SLC36A3: variants seen among roughly 807,000 people sequenced by gnomAD.
SLC36A3 encodes the protein proton-coupled amino acid transporter 3.
A neutral mutation model predicts 44.3 loss-of-function variants in SLC36A3; 35 were observed. The ratio of observed to expected loss-of-function variants is 0.79; its 90% CI spans 0.60 to 1.05. The LOEUF is 1.05. Ranked by LOEUF, SLC36A3 falls within the 50% of genes least tolerant of loss-of-function variation. The probability of loss-of-function intolerance (pLI) is 0.00; values close to 1 mark genes in which losing one functional copy is unlikely to be tolerated. For missense variants in SLC36A3, 540 were observed against 578.7 expected, an observed-to-expected ratio of 0.93 and a Z score of 0.69; for synonymous variants, 211 against 227.6, an observed-to-expected ratio of 0.93 and a Z score of 0.66.
At position 151,284,627 on chromosome 5, in the gene SLC36A3, C is replaced by G. The variant is rs1754463447; in HGVS notation, c.793G>C (p.Glu265Gln). The G allele has an allele frequency of 1.9e-6, 3 of 1,611,396 alleles. No individual in the cohort carries two copies. Among genetic ancestry groups the G allele is most frequent in the Non-Finnish European group, 2.5e-6 (3 of 1,178,226 alleles). Reference protein sequence around the residue: ...LFFGTAIFTFEGVGMVLPLKN... With the variant: ...LFFGTAIFTFQGVGMVLPLKN... ...ATCAATCTTACCATACCGACGCCTTCAAATGTGAAGATGGCTGTACCAAAG... is the reference window on the plus strand; with the variant it reads ...ATCAATCTTACCATACCGACGCCTTGAAATGTGAAGATGGCTGTACCAAAG... The change falls in exon 7 of 10, where the codon GAA (glutamate) becomes CAA (glutamine). Residue 265 changes from glutamate to glutamine, a missense_variant. Physicochemically the swap from Glu to Gln is conservative, Grantham distance 29. Coordinates refer to ENST00000335230, the MANE Select transcript of SLC36A3 (RefSeq NM_181774.4).
At chr5:151,291,551 A>G (rs1421581850) in intron 4 of SLC36A3, among the ~76,000 whole-genome samples, 2 of 151,918 alleles carry the variant, frequency 1.3e-5, no homozygotes, top group Non-Finnish European at 2.9e-5. Flanking sequence ...TCATGATGCT[A>G]TTTATCTTGT....
chr5:151,281,211 G>A lies in SLC36A3; in HGVS notation c.975-28C>T, dbSNP rs374276171. 9.8e-4 allele frequency: 1,540 copies of A among 1,579,092 alleles called. 15 individuals carry two copies. The African/African-American group carries it at 0.018, about 19-fold the overall frequency. ...GCAGACACATGAATTGGATGTGAAA[G>A]GTGATGTGGCTCCCCGGAAGGGCCA... is the stretch of plus-strand genomic sequence containing the variant. On this transcript the variant is annotated intron_variant, in intron 8 of 9. Coordinates refer to ENST00000335230, the MANE Select transcript of SLC36A3 (RefSeq NM_181774.4).
rs892303882 is a variant in SLC36A3 at position 151,303,478 on chromosome 5, C to T, written c.-124G>A. ...ATGCTGGCTCCTAACCCCAAGGATG[C>T]GTGCTGCTGGCTGAAGCCTGAAGTG... On this transcript the variant is annotated 5_prime_UTR_variant, in exon 1 of 10. Transcript: ENST00000335230. 1.0e-5 allele frequency: 11 copies of T among 1,087,670 alleles called. No individual in the cohort carries two copies. Among genetic ancestry groups the T allele is most frequent in the African/African-American group, 3.2e-5 (2 of 63,256 alleles). 67.4% of individuals were successfully genotyped at this position (1,087,670 alleles called of 1,614,324 possible). A position where few individuals can be genotyped will look rare whatever the true frequency, so the allele number is the denominator to read the frequency against.
intron 4 of SLC36A3, among the ~76,000 whole-genome samples, chr5:151,291,995 G>A (rs186413145): frequency 4.5e-4 from 68 of 152,200 alleles, no homozygotes; most frequent in African/African-American, 1.6e-3. Flanking sequence ...TGAGTAGCTG[G>A]GATTACAGGC....
chr5:151,296,587 G>GAC, intron 2 of SLC36A3: 1 of 367,700 alleles, frequency 2.7e-6, no homozygotes, highest in Non-Finnish European at 5.0e-6. Context: ...TATTTTGTCT[G>GAC]ACACACCCTG....
intron 8 of SLC36A3, among the ~76,000 whole-genome samples, 170 bp downstream of exon 8, chr5:151,283,874 G>T (rs78908472): frequency 6.6e-6 from 1 of 152,256 alleles, no homozygotes; most frequent in African/African-American, 2.4e-5. Context: ...TTGGAGTGAG[G>T]TGCGGCCATG....
intron 3 of SLC36A3, among the ~76,000 whole-genome samples, chr5:151,294,184 T>C (rs7443771): frequency 6.6e-6 from 1 of 152,208 alleles, no homozygotes; most frequent in Admixed American, 6.5e-5. Flanking sequence ...TCTTGAGATC[T>C]CTGGGCCCCA....
intron 1 of SLC36A3, among the ~76,000 whole-genome samples, chr5:151,301,418 A>G (rs914885153): frequency 2.0e-5 from 3 of 152,002 alleles, no homozygotes; most frequent in Non-Finnish European, 2.9e-5. Flanking sequence ...TATTTTGCAG[A>G]CCCTGCACTC....
At chr5:151,288,501 G>C in intron 4 of SLC36A3, 31 bp from the exon 5 acceptor site, 1 of 1,413,554 alleles carries the variant, frequency 7.1e-7, no homozygotes, top group Admixed American at 2.1e-5. Context: ...CAGACAGAGG[G>C]AGGAAACAAA....
At chr5:151,283,935 C>T in intron 8 of SLC36A3, 109 bp downstream of exon 8, 2 of 1,355,334 alleles carry the variant, frequency 1.5e-6, no homozygotes, top group Non-Finnish European at 2.0e-6. Flanking sequence ...ATGTCACTTC[C>T]AGTGATGGAT....
chr5:151,281,162 C>A lies in SLC36A3; in HGVS notation c.996G>T (p.Leu332=). Residue 332 remains leucine, a synonymous_variant, in exon 9 of 10, where the codon CTG becomes CTT. Transcript: ENST00000335230. ...TGAAGAAGATGCCGATAGAGTACAT[C>A]AGCTTGACTGACTGGTACAACCTGC... is the stretch of plus-strand genomic sequence containing the variant. ...PNCWLYQSVK[L]MYSIGIFFTY... 1 of 1,612,218 alleles carries A rather than the reference C, an allele frequency of 6.2e-7. No individual in the cohort carries two copies. Among genetic ancestry groups the A allele is most frequent in the Non-Finnish European group, 8.5e-7 (1 of 1,179,030 alleles).
At chr5:151,290,416 G>A (rs954551831) in intron 4 of SLC36A3, among the ~76,000 whole-genome samples, 2 of 152,152 alleles carry the variant, frequency 1.3e-5, no homozygotes, top group African/African-American at 2.4e-5. Context: ...CAAAAGCAAT[G>A]AATAATTTAA....
intron 1 of SLC36A3, 135 bp downstream of exon 1, chr5:151,303,092 G>A: frequency 5.1e-6 from 6 of 1,170,232 alleles, no homozygotes; most frequent in Non-Finnish European, 6.9e-6. Context: ...GATTCTGAAG[G>A]TTTCATCTTT....
Position 151,278,000 on chromosome 5 carries a change from T to C in SLC36A3, c.1145-339A>G, listed in dbSNP as rs369390449. On this transcript the variant is annotated intron_variant, in intron 9 of 9. Coordinates refer to ENST00000335230, the MANE Select transcript of SLC36A3 (RefSeq NM_181774.4). The stretch of plus-strand genomic sequence containing the variant: ...TGTTCAAGGTCACACAGAGCTGAGA[T>C]GAGAATTCACTGGGATGCCCCATCT... Among the ~76,000 whole-genome samples the C allele has an allele frequency of 5.3e-5, 8 of 152,286 alleles. No individual in the cohort carries two copies. In the South Asian group the frequency reaches 1.7e-3, roughly 32 times the overall value.
At chr5:151,300,389 T>A (rs929168503) in intron 1 of SLC36A3, among the ~76,000 whole-genome samples, 4 of 152,360 alleles carry the variant, frequency 2.6e-5, no homozygotes, top group African/African-American at 9.6e-5. Flanking sequence ...TGACCTAACT[T>A]CTGTTAGGGC....
chr5:151,285,108 AG>A (rs769447496), intron 6 of SLC36A3, among the ~76,000 whole-genome samples: 1 of 152,142 alleles, frequency 6.6e-6, no homozygotes, highest in Non-Finnish European at 1.5e-5. Context: ...GGACTATTCT[AG>A]GTACCTCATG....
intron 4 of SLC36A3, chr5:151,289,129 A>G (rs1459782007): frequency 6.5e-6 from 1 of 153,622 alleles, no homozygotes; most frequent in East Asian, 1.9e-4. Flanking sequence ...TAAGACTGCA[A>G]TAGCCAGAAA....
At position 151,299,258 on chromosome 5, in the gene SLC36A3, CTCTCTCTATATATATA is replaced by C. The variant is rs1302911416; in HGVS notation, c.129-591_129-576del. Among the ~76,000 whole-genome samples the C allele has an allele frequency of 4.7e-3, 319 of 68,034 alleles. 1 individual carries two copies. The highest frequency in any genetic ancestry group is 0.021 in the South Asian group (32 of 1,556). The allele number at this position is 68,034 out of a possible 152,430, so 44.6% of individuals were successfully genotyped here. ...TCTCTCTCTCTCTCTCTCTCTCTCT[CTCTCTCTATATATATA>C]TATATATATATATATATGAAATGAG... On this transcript the variant is annotated intron_variant, in intron 1 of 9. Coordinates refer to ENST00000335230, the MANE Select transcript of SLC36A3 (RefSeq NM_181774.4).
chr5:151,287,555 T>C, intron 5 of SLC36A3, 91 bp from the exon 6 acceptor site: 2 of 1,261,734 alleles, frequency 1.6e-6, no homozygotes, highest in Middle Eastern at 5.2e-4. Context: ...AATGTAACTT[T>C]TTAGTATAAA....
Sources: gnomAD v4.1 joint callset for allele counts (sites outside exome capture counted in the v4.1 genomes callset) on GRCh38, gnomAD v4.1.1 for gene constraint, MANE v1.5 for transcripts, NCBI Gene and HGNC (gene_info 2026-07-23, HGNC 2026-07-21) for gene names.